The following PLXDC2 variants were observed in gnomAD, a reference collection of about 807,000 sequenced individuals.
PLXDC2 encodes the protein plexin domain-containing protein 2.
A neutral mutation model predicts 68.9 loss-of-function variants in PLXDC2; 40 were observed. The ratio of observed to expected loss-of-function variants is 0.58; its 90% CI spans 0.45 to 0.76. The LOEUF is 0.76. PLXDC2 is among the 30% of genes least tolerant of loss of function. The pLI, the probability that PLXDC2 is intolerant of heterozygous loss-of-function variation, is 0.00. For missense variants in PLXDC2, 644 were observed against 661.9 expected, an observed-to-expected ratio of 0.97 and a Z score of 0.30; for synonymous variants, 243 against 234.2, an observed-to-expected ratio of 1.04 and a Z score of -0.34.
At chr10:19,854,307 T>C (rs1837174665) in intron 1 of PLXDC2, among the ~76,000 whole-genome samples, 1 of 152,176 alleles carries the variant, frequency 6.6e-6, no homozygotes, top group African/African-American at 2.4e-5. Context: ...CATTTGTCTT[T>C]CCACAACAAC....
intron 6 of PLXDC2, among the ~76,000 whole-genome samples, chr10:20,157,909 T>G (rs1208071586): frequency 6.6e-6 from 1 of 152,164 alleles, no homozygotes; most frequent in African/African-American, 2.4e-5. Context: ...AAAGCTCCTT[T>G]TATTTCTATC....
intron 1 of PLXDC2, among the ~76,000 whole-genome samples, chr10:19,848,434 A>G (rs1436470157): frequency 6.6e-6 from 1 of 152,160 alleles, no homozygotes; most frequent in East Asian, 1.9e-4. Context: ...GACTTCTACC[A>G]GTTCCCCAGC....
intron 3 of PLXDC2, among the ~76,000 whole-genome samples, chr10:20,052,707 C>T (rs559204982): frequency 7.7e-5 from 10 of 130,012 alleles, no homozygotes; most frequent in South Asian, 2.4e-4. Flanking sequence ...ATATATATTC[C>T]GTCAACAAAT....
chr10:20,083,067 A>G (rs1836599629), intron 4 of PLXDC2, among the ~76,000 whole-genome samples: 1 of 152,140 alleles, frequency 6.6e-6, no homozygotes, highest in Non-Finnish European at 1.5e-5. Context: ...AAATCTCTAG[A>G]CAGATATACA....
At chr10:20,099,910 G>A (rs927882446) in intron 4 of PLXDC2, among the ~76,000 whole-genome samples, 4 of 152,016 alleles carry the variant, frequency 2.6e-5, no homozygotes, top group Admixed American at 6.6e-5. Context: ...GCACGGTTAC[G>A]ATTTATGGGG....
intron 2 of PLXDC2, among the ~76,000 whole-genome samples, chr10:20,005,751 G>A (rs1254877919): frequency 6.6e-6 from 1 of 152,134 alleles, no homozygotes; most frequent in Non-Finnish European, 1.5e-5. Flanking sequence ...ATGGCACTAA[G>A]CCATTCATGA....
intron 1 of PLXDC2, among the ~76,000 whole-genome samples, chr10:19,854,257 C>T (rs757995595): frequency 1.3e-5 from 2 of 152,228 alleles, no homozygotes; most frequent in Non-Finnish European, 2.9e-5. Context: ...ACAGTCTCTA[C>T]ATAATTGCCT....
chr10:20,144,446 A>G (rs994513745), intron 5 of PLXDC2, among the ~76,000 whole-genome samples: 2 of 152,192 alleles, frequency 1.3e-5, no homozygotes, highest in Non-Finnish European at 2.9e-5. Flanking sequence ...AACTAAACAT[A>G]GTTAGACATT....
At chr10:19,907,153 A>C (rs2131371459) in intron 1 of PLXDC2, among the ~76,000 whole-genome samples, 1 of 152,278 alleles carries the variant, frequency 6.6e-6, no homozygotes, top group African/African-American at 2.4e-5. Context: ...ATTTTCAGGA[A>C]GTAGAATTTT....
At position 20,283,450 on chromosome 10, in the gene PLXDC2, A is replaced by G. The variant is rs1196874646; in HGVS notation, c.*3631A>G. 6.6e-6 allele frequency: 1 copy of G among 152,262 alleles called. No individual in the cohort carries two copies. Among genetic ancestry groups the G allele is most frequent in the Non-Finnish European group, 1.5e-5 (1 of 68,042 alleles). 9.4% of individuals were successfully genotyped at this position (152,262 alleles called of 1,614,324 possible). ...GAGTACCAGCACAAATTTGCATTCA[A>G]AGGAAGAATAGTTCATCAGTGCAAA... On this transcript the variant is annotated 3_prime_UTR_variant, in exon 14 of 14. Coordinates refer to ENST00000377252, the MANE Select transcript of PLXDC2 (RefSeq NM_032812.9).
chr10:20,027,171 A>G (rs1835419831), intron 2 of PLXDC2, among the ~76,000 whole-genome samples: 1 of 151,648 alleles, frequency 6.6e-6, no homozygotes, highest in Non-Finnish European at 1.5e-5. Flanking sequence ...TTTGCATGGC[A>G]TAGTTATGCA....
At chr10:20,165,037 G>T (rs1374360656) in intron 7 of PLXDC2, among the ~76,000 whole-genome samples, 1 of 152,046 alleles carries the variant, frequency 6.6e-6, no homozygotes, top group Non-Finnish European at 1.5e-5. Flanking sequence ...TGCCCAGGCT[G>T]GTCTTGAACT....
chr10:20,219,641 T>G (rs892754019), intron 12 of PLXDC2, among the ~76,000 whole-genome samples: 4 of 152,182 alleles, frequency 2.6e-5, no homozygotes, highest in African/African-American at 9.6e-5. Context: ...ACTGGAAAAT[T>G]TGAGGGAAAA....
intron 13 of PLXDC2, among the ~76,000 whole-genome samples, chr10:20,266,998 A>G (rs1411424595): frequency 6.6e-6 from 1 of 152,214 alleles, no homozygotes; most frequent in East Asian, 1.9e-4. Context: ...GTCATTTATA[A>G]CTTTTTGCAT....
intron 12 of PLXDC2, among the ~76,000 whole-genome samples, chr10:20,245,021 G>A (rs948579886): frequency 6.6e-6 from 1 of 152,302 alleles, no homozygotes; most frequent in African/African-American, 2.4e-5. Flanking sequence ...GGCTGAGGCA[G>A]GAGAATCGCT....
At chr10:20,156,416 C>T (rs887169665) in intron 6 of PLXDC2, among the ~76,000 whole-genome samples, 2 of 152,066 alleles carry the variant, frequency 1.3e-5, no homozygotes, top group African/African-American at 2.4e-5. Flanking sequence ...TATAGATGTG[C>T]GTTTTTTCCT....
chr10:19,986,705 G>A (rs1834647943), intron 1 of PLXDC2, among the ~76,000 whole-genome samples: 1 of 152,176 alleles, frequency 6.6e-6, no homozygotes, highest in Non-Finnish European at 1.5e-5. Flanking sequence ...GTGAGAACAC[G>A]GTGATGTCTT....
At chr10:20,083,706 C>A (rs1195317117) in intron 4 of PLXDC2, among the ~76,000 whole-genome samples, 5 of 151,932 alleles carry the variant, frequency 3.3e-5, no homozygotes, top group East Asian at 3.9e-4. Context: ...TTTTTTAGAG[C>A]TTGAGGCAGT....
At chr10:19,941,136 T>C (rs1833811986) in intron 1 of PLXDC2, among the ~76,000 whole-genome samples, 1 of 152,244 alleles carries the variant, frequency 6.6e-6, no homozygotes, top group Non-Finnish European at 1.5e-5. Context: ...TAAATGCTTC[T>C]GATTCCTAGT....
Sources: allele counts gnomAD v4.1 joint callset (sites outside exome capture counted in the v4.1 genomes callset), GRCh38; gene constraint gnomAD v4.1.1; transcripts MANE v1.5; gene names NCBI Gene and HGNC (gene_info 2026-07-23, HGNC 2026-07-21).